Variants in NFATC3 observed in about 807,000 individuals in gnomAD.
NFATC3 encodes nuclear factor of activated T cells 3.
NFATC3 carries 46 observed loss-of-function variants against 98.6 expected under a neutral mutation model. The observed-to-expected ratio is 0.47, with a 90% confidence interval of 0.37 to 0.60. The LOEUF is 0.60. Ranked by LOEUF, NFATC3 falls within the 20% of genes least tolerant of loss-of-function variation. NFATC3 has a pLI of 0.00. For missense variants in NFATC3, 1,256 were observed against 1,295.5 expected (o/e 0.97, Z 0.47); for synonymous variants, 512 against 472.2 (o/e 1.08, Z -1.09).
intron 9 of NFATC3, chr16:68,221,626 G>A: frequency 9.7e-7 from 1 of 1,034,346 alleles, no homozygotes; most frequent in Non-Finnish European, 1.2e-6. Context: ...CCTGACTGCT[G>A]GTGAATTCAT....
chr16:68,096,667 AAG>A (rs1235433072), intron 1 of NFATC3, among the ~76,000 whole-genome samples: 1 of 152,142 alleles, frequency 6.6e-6, no homozygotes, highest in East Asian at 1.9e-4. Context: ...GAGGTCAGAG[AAG>A]AGTACAGTTG....
intron 4 of NFATC3, among the ~76,000 whole-genome samples, chr16:68,160,771 G>A (rs903293281): frequency 2.6e-5 from 4 of 151,838 alleles, no homozygotes; most frequent in Non-Finnish European, 5.9e-5. Context: ...TACAACCTCT[G>A]CCTCCCAGGC....
At chr16:68,134,580 T>C (rs2037290855) in intron 3 of NFATC3, among the ~76,000 whole-genome samples, 1 of 152,176 alleles carries the variant, frequency 6.6e-6, no homozygotes, top group Admixed American at 6.6e-5. Flanking sequence ...TTGTATTGAC[T>C]AGGATTTCTG....
At chr16:68,142,603 C>CAA (rs2037813055) in intron 3 of NFATC3, among the ~76,000 whole-genome samples, 1 of 151,776 alleles carries the variant, frequency 6.6e-6, no homozygotes, top group Non-Finnish European at 1.5e-5. Context: ...ACTAAAAATA[C>CAA]AAAAATTAGC....
intron 1 of NFATC3, among the ~76,000 whole-genome samples, chr16:68,121,172 C>G (rs1483150265): frequency 4.0e-5 from 6 of 151,308 alleles, no homozygotes; most frequent in Non-Finnish European, 7.4e-5. Flanking sequence ...GTCCCCTCCC[C>G]CTTTTTCAGC....
chr16:68,133,907 G>A (rs937077651), intron 3 of NFATC3, among the ~76,000 whole-genome samples: 7 of 149,926 alleles, frequency 4.7e-5, no homozygotes, highest in Non-Finnish European at 8.9e-5. Flanking sequence ...AATGACTTTC[G>A]ATGGACAAAG....
intron 5 of NFATC3, among the ~76,000 whole-genome samples, chr16:68,172,113 G>A (rs945610882): frequency 2.2e-4 from 34 of 152,126 alleles, no homozygotes; most frequent in African/African-American, 8.0e-4. Context: ...GATTACAGGC[G>A]TGAGCCACCG....
chr16:68,122,143 A>G lies in NFATC3; in HGVS notation c.260A>G (p.Glu87Gly), dbSNP rs1253696124. The change falls in exon 2 of 10, where the codon GAA (glutamate) becomes GGA (glycine). Residue 87 changes from glutamate to glycine, a missense_variant. Physicochemically the swap from Glu to Gly is moderately conservative, Grantham distance 98 (BLOSUM62 -2). Transcript: ENST00000346183. ...SFQLQSHKNY[E>G]GTCEIPESKY... Reference sequence around the variant, plus strand: ...CAGCTCCAAAGTCACAAAAACTATGAAGGAACTTGTGAGATTCCTGAATCT... The same window carrying G: ...CAGCTCCAAAGTCACAAAAACTATGGAGGAACTTGTGAGATTCCTGAATCT... 6.2e-7 allele frequency: 1 copy of G among 1,614,130 alleles called. No homozygotes were observed. The highest frequency in any genetic ancestry group is 1.1e-5 in the South Asian group (1 of 91,076).
At chr16:68,134,184 G>A (rs1486129233) in intron 3 of NFATC3, among the ~76,000 whole-genome samples, 11 of 152,116 alleles carry the variant, frequency 7.2e-5, no homozygotes, top group Admixed American at 7.2e-4. Context: ...CTTTCATGAA[G>A]TGTTTGTTCA....
chr16:68,114,815 C>G (rs909985550), intron 1 of NFATC3, among the ~76,000 whole-genome samples: 1 of 152,224 alleles, frequency 6.6e-6, no homozygotes. Flanking sequence ...TCTCGTGATC[C>G]GCCTGCCTCT....
At chr16:68,137,142 A>T (rs995951507) in intron 3 of NFATC3, among the ~76,000 whole-genome samples, 3 of 152,268 alleles carry the variant, frequency 2.0e-5, no homozygotes, top group Non-Finnish European at 4.4e-5. Context: ...TGTGAATTTT[A>T]AAAAAATCTT....
chr16:68,199,467 G>A (rs1465668006), intron 9 of NFATC3, among the ~76,000 whole-genome samples: 2 of 147,668 alleles, frequency 1.4e-5, no homozygotes, highest in Non-Finnish European at 3.0e-5. Context: ...CTCATGATCC[G>A]CCCACCTCTG....
At chr16:68,207,005 TAA>T (rs559629801) in intron 9 of NFATC3, among the ~76,000 whole-genome samples, 32 of 111,194 alleles carry the variant, frequency 2.9e-4, no homozygotes, top group Admixed American at 3.8e-4. Flanking sequence ...GCATACATAT[TAA>T]AAAAAAAAAA....
At chr16:68,151,733 C>G (rs1352622591) in intron 3 of NFATC3, among the ~76,000 whole-genome samples, 1 of 152,126 alleles carries the variant, frequency 6.6e-6, no homozygotes, top group Non-Finnish European at 1.5e-5. Context: ...TCTGCTCCAC[C>G]ACCACCCTCC....
intron 3 of NFATC3, among the ~76,000 whole-genome samples, chr16:68,142,621 G>A (rs2037814801): frequency 1.3e-5 from 2 of 152,056 alleles, no homozygotes; most frequent in South Asian, 4.1e-4. Flanking sequence ...AGCTGGGCGT[G>A]GTGGTGGGTG....
chr16:68,221,521 G>A, intron 9 of NFATC3: 2 of 1,258,088 alleles, frequency 1.6e-6, no homozygotes, highest in African/African-American at 1.5e-5. Flanking sequence ...AGATTCAGTT[G>A]GCAAGTAATT....
chr16:68,100,116 C>G (rs1436774390), intron 1 of NFATC3, among the ~76,000 whole-genome samples: 1 of 152,146 alleles, frequency 6.6e-6, no homozygotes, highest in Admixed American at 6.5e-5. Context: ...ATTGTTTACC[C>G]ATTGAAGGAC....
At chr16:68,167,807 G>GTTTTTTTTTTTTTTTTTTT (rs1263970399) in intron 5 of NFATC3, among the ~76,000 whole-genome samples, 1 of 23,588 alleles carries the variant, frequency 4.2e-5, no homozygotes, top group Non-Finnish European at 1.0e-4. Context: ...AACCGTATGT[G>GTTTTTTTTTTTTTTTTTTT]TTCTTTTTTT....
chr16:68,212,669 C>T (rs1201764180), intron 9 of NFATC3: 1 of 151,886 alleles, frequency 6.6e-6, no homozygotes, highest in Non-Finnish European at 1.5e-5. Flanking sequence ...ATGTTGTGAC[C>T]CAGTACACAA....
Sources: allele counts gnomAD v4.1 joint callset (sites outside exome capture counted in the v4.1 genomes callset), GRCh38; gene constraint gnomAD v4.1.1; transcripts MANE v1.5; gene names NCBI Gene and HGNC (gene_info 2026-07-23, HGNC 2026-07-21).